Variants in SLC41A2 observed in about 807,000 individuals in gnomAD.
SLC41A2 encodes the protein SLC41A1-like 1.
In SLC41A2, 32 loss-of-function variants were observed where a neutral mutation model predicts 58.3. The ratio of observed to expected loss-of-function variants is 0.55; its 90% CI spans 0.41 to 0.74. The LOEUF (loss-of-function observed/expected upper bound fraction) is 0.74, where lower values mean the gene tolerates loss of function less well. SLC41A2 is among the 30% of genes least tolerant of loss of function. The probability of loss-of-function intolerance (pLI) is 0.00; values close to 1 mark genes in which losing one functional copy is unlikely to be tolerated. For synonymous variants in SLC41A2, 190 were observed against 235.0 expected (o/e 0.81, Z 1.75); for missense variants, 514 against 680.6 (o/e 0.76, Z 2.72).
intron 6 of SLC41A2, among the ~76,000 whole-genome samples, chr12:104,881,289 G>T (rs1056958477): frequency 7.2e-5 from 11 of 151,996 alleles, no homozygotes; most frequent in African/African-American, 2.7e-4. Context: ...TTGATTTTTT[G>T]AAGGGTTCTT....
chr12:104,911,727 G>C (rs2046095376), intron 2 of SLC41A2, among the ~76,000 whole-genome samples: 1 of 152,126 alleles, frequency 6.6e-6, no homozygotes. Context: ...TATCAGATCA[G>C]TCTTCTGTAA....
At chr12:104,892,402 TAATC>T (rs1182614360) in intron 4 of SLC41A2, among the ~76,000 whole-genome samples, 4 of 151,760 alleles carry the variant, frequency 2.6e-5, no homozygotes, top group Admixed American at 2.6e-4. Context: ...TGGATTAGAA[TAATC>T]AATATTGTTA....
chr12:104,861,481 A>T (rs1387820376), intron 7 of SLC41A2, 111 bp from the exon 8 acceptor site: 2 of 566,204 alleles, frequency 3.5e-6, no homozygotes, highest in Non-Finnish European at 5.9e-6. Context: ...CACACATTTT[A>T]AAAATAGAGC....
chr12:104,895,175 A>G, intron 4 of SLC41A2, 99 bp downstream of exon 4: 4 of 760,276 alleles, frequency 5.3e-6, no homozygotes, highest in Non-Finnish European at 8.8e-6. Context: ...GAAAACAATT[A>G]AAGGGTAGAC....
intron 3 of SLC41A2, among the ~76,000 whole-genome samples, chr12:104,906,745 G>A (rs1043703409): frequency 6.6e-6 from 1 of 151,954 alleles, no homozygotes; most frequent in Admixed American, 6.6e-5. Context: ...TTTTAACGAC[G>A]AACGCATTTA....
chr12:104,913,003 G>A (rs892670559), intron 2 of SLC41A2, among the ~76,000 whole-genome samples: 1 of 152,074 alleles, frequency 6.6e-6, no homozygotes, highest in African/African-American at 2.4e-5. Context: ...TAGACCTGTT[G>A]GAATGCACGC....
rs372949695 is a variant in SLC41A2 at position 104,845,983 on chromosome 12, C to A, written c.1256-9G>T. On this transcript the variant is annotated splice_polypyrimidine_tract_variant and intron_variant, in intron 8 of 10. Coordinates refer to ENST00000258538, the MANE Select transcript of SLC41A2 (RefSeq NM_001352171.3). ...CAAATTACCACCAATACCTGAAACA[C>A]AAGGAAAAACAAAGTAGCAATCCTC... 1.9e-6 allele frequency: 3 copies of A among 1,608,508 alleles called. No homozygotes were observed. Among genetic ancestry groups the A allele is most frequent in the Non-Finnish European group, 2.5e-6 (3 of 1,177,414 alleles).
chr12:104,939,946 C>CT (rs1170069132), intron 1 of SLC41A2, among the ~76,000 whole-genome samples: 1 of 152,122 alleles, frequency 6.6e-6, no homozygotes, highest in Non-Finnish European at 1.5e-5. Flanking sequence ...TTTTGCCACT[C>CT]TGCAAGGGTA....
intron 8 of SLC41A2, among the ~76,000 whole-genome samples, chr12:104,853,707 A>ATGT (rs2042886931): frequency 7.7e-6 from 1 of 130,290 alleles, no homozygotes; most frequent in Admixed American, 8.2e-5. Flanking sequence ...TTTTTTAAAT[A>ATGT]AATGTATGTA....
intron 6 of SLC41A2, among the ~76,000 whole-genome samples, chr12:104,883,976 T>C (rs1158510609): frequency 1.3e-5 from 2 of 152,214 alleles, no homozygotes; most frequent in South Asian, 2.1e-4. Flanking sequence ...GCAGGCCTCA[T>C]TGAGCTGTGG....
At chr12:104,909,068 A>G (rs2135776989) in intron 3 of SLC41A2, among the ~76,000 whole-genome samples, 1 of 152,332 alleles carries the variant, frequency 6.6e-6, no homozygotes, top group African/African-American at 2.4e-5. Context: ...AAAGATGATC[A>G]TGATGTATTT....
At position 104,945,723 on chromosome 12, in the gene SLC41A2, C is replaced by T. The variant is rs1360618950; in HGVS notation, c.-168+12365G>A. On this transcript the variant is annotated intron_variant, in intron 1 of 10. Coordinates refer to ENST00000258538, the MANE Select transcript of SLC41A2 (RefSeq NM_001352171.3). The stretch of plus-strand genomic sequence containing the variant: ...AAAAATTGTCTCAATCAATATTCTA[C>T]AGTTATCTTTAAGTAAAAGGCAACA... Among the ~76,000 whole-genome samples the T allele has an allele frequency of 3.9e-5, 6 of 152,172 alleles. No homozygotes were observed. In the South Asian group the frequency reaches 6.2e-4, roughly 16 times the overall value.
intron 6 of SLC41A2, among the ~76,000 whole-genome samples, chr12:104,874,917 G>A (rs1161252645): frequency 6.6e-6 from 1 of 152,132 alleles, no homozygotes; most frequent in Non-Finnish European, 1.5e-5. Flanking sequence ...CACTGAACCT[G>A]TATATTGCTT....
intron 5 of SLC41A2, among the ~76,000 whole-genome samples, chr12:104,888,765 T>G (rs1441893364): frequency 6.6e-6 from 1 of 152,106 alleles, no homozygotes; most frequent in Non-Finnish European, 1.5e-5. Flanking sequence ...AACAAATGAA[T>G]GTCTAGGCGA....
intron 6 of SLC41A2, among the ~76,000 whole-genome samples, chr12:104,868,839 C>T (rs781563461): frequency 6.6e-6 from 1 of 152,060 alleles, no homozygotes; most frequent in Non-Finnish European, 1.5e-5. Context: ...CATGTGACAA[C>T]GTGATGAACC....
At chr12:104,952,805 C>T (rs2048004960) in intron 1 of SLC41A2, among the ~76,000 whole-genome samples, 1 of 152,110 alleles carries the variant, frequency 6.6e-6, no homozygotes, top group African/African-American at 2.4e-5. Flanking sequence ...CATTCTCACA[C>T]CTCTTGGCCT....
intron 7 of SLC41A2, among the ~76,000 whole-genome samples, chr12:104,865,415 A>G (rs538555872): frequency 6.6e-6 from 1 of 152,286 alleles, no homozygotes. Flanking sequence ...AGCTGGAGAA[A>G]GATTGTGGGG....
chr12:104,933,055 G>C (rs968013953), intron 1 of SLC41A2, among the ~76,000 whole-genome samples: 2 of 152,062 alleles, frequency 1.3e-5, no homozygotes, highest in African/African-American at 4.8e-5. Context: ...GAATGAAAAA[G>C]CTTCTGCAGA....
chr12:104,955,327 T>C (rs1038231751), intron 1 of SLC41A2, among the ~76,000 whole-genome samples: 2 of 152,136 alleles, frequency 1.3e-5, no homozygotes, highest in African/African-American at 4.8e-5. Flanking sequence ...GCCCTCGCTT[T>C]CTGATTACCC....
Sources: allele counts gnomAD v4.1 joint callset (sites outside exome capture counted in the v4.1 genomes callset), GRCh38; gene constraint gnomAD v4.1.1; transcripts MANE v1.5; gene names NCBI Gene and HGNC (gene_info 2026-07-23, HGNC 2026-07-21).